The following SLC4A1AP variants were observed in gnomAD, a reference collection of about 807,000 sequenced individuals.
The protein encoded by SLC4A1AP is kanadaptin.
In SLC4A1AP, 64 loss-of-function variants were observed where a neutral mutation model predicts 89.7. The ratio of observed to expected loss-of-function variants is 0.71; its 90% confidence interval spans 0.58 to 0.88. The LOEUF (loss-of-function observed/expected upper bound fraction) is 0.88, where lower values mean the gene tolerates loss of function less well. Ranked by LOEUF, SLC4A1AP falls within the 40% of genes least tolerant of loss-of-function variation. The pLI, the probability that SLC4A1AP is intolerant of heterozygous loss-of-function variation, is 0.00. For synonymous variants in SLC4A1AP, 366 were observed against 353.3 expected (o/e 1.04, Z -0.40); for missense variants, 931 against 965.0 (o/e 0.96, Z 0.47).
rs978175795 is a variant in SLC4A1AP at position 27,688,031 on chromosome 2, C to T, written c.2203+11C>T. ...GCGCAGGACCCTCAGGCAAGTAGTA[C>T]GGCAGCCTTCATTGCTGCTCTGCAC... is the stretch of plus-strand genomic sequence containing the variant. On this transcript the variant is annotated intron_variant, in intron 11 of 13. Coordinates refer to ENST00000613058, the Ensembl canonical transcript of SLC4A1AP. The T allele has an allele frequency of 1.2e-5, 19 of 1,609,976 alleles. No homozygotes were observed. In the East Asian group the frequency reaches 2.7e-4, roughly 23 times the overall value.
chr2:27,665,335 G>T (rs758262161), intron 2 of SLC4A1AP, 40 bp downstream of exon 2: 6 of 1,525,608 alleles, frequency 3.9e-6, no homozygotes, highest in Non-Finnish European at 5.3e-6. Flanking sequence ...AATATTTTAA[G>T]TTCATTACAA....
At chr2:27,686,684 G>A (rs1037897644) in intron 10 of SLC4A1AP, among the ~76,000 whole-genome samples, 1 of 152,164 alleles carries the variant, frequency 6.6e-6, no homozygotes, top group Non-Finnish European at 1.5e-5. Flanking sequence ...GCAGGCAGGA[G>A]AATTGCTTGA....
rs1394852567 is a variant in SLC4A1AP at position 27,667,285 on chromosome 2, G to A, written c.1039G>A (p.Asp347Asn). The A allele has an allele frequency of 5.0e-6, 8 of 1,612,580 alleles. No homozygotes were observed. The African/African-American group carries it at 6.7e-5, about 13-fold the overall frequency. ...TCCTGTAGGAGAAGATGCAGTAGAG[G>A]ATGATGCTGAAGAGAACCCTATTGT... The change falls in exon 3 of 14, where the codon GAT (aspartate) becomes AAT (asparagine). Residue 347 changes from aspartate to asparagine, a missense_variant. By Grantham distance (23) the Asp-to-Asn change is conservative (BLOSUM62 1). Coordinates refer to ENST00000613058, the Ensembl canonical transcript of SLC4A1AP.
chr2:27,681,917 A>G (rs1675625608), intron 8 of SLC4A1AP, among the ~76,000 whole-genome samples: 1 of 152,172 alleles, frequency 6.6e-6, no homozygotes, highest in South Asian at 2.1e-4. Context: ...GCTTTACACC[A>G]TGGATCAATC....
chr2:27,682,124 C>A, intron 8 of SLC4A1AP, 124 bp from the exon 9 acceptor site: 1 of 625,434 alleles, frequency 1.6e-6, no homozygotes, highest in Non-Finnish European at 2.8e-6. Flanking sequence ...TTGTTATATG[C>A]TTAGATATTC....
At chr2:27,669,688 G>A (rs750102760) in intron 5 of SLC4A1AP, among the ~76,000 whole-genome samples, 18 of 151,986 alleles carry the variant, frequency 1.2e-4, no homozygotes, top group Non-Finnish European at 1.8e-4. Flanking sequence ...TATCATGGAT[G>A]TTGTTATTAT....
Position 27,677,599 on chromosome 2 carries a change from A to G in SLC4A1AP, c.1577-139A>G, listed in dbSNP as rs1337464096. ...AATGACTTCCCAAGGTCTCATGGCT[A>G]TAACCTGTTCCTTATTCCTATTACT... On this transcript the variant is annotated intron_variant, in intron 7 of 13. Coordinates refer to ENST00000613058, the Ensembl canonical transcript of SLC4A1AP. 1.5e-5 allele frequency: 11 copies of G among 727,970 alleles called. 1 individual carries two copies. The South Asian group carries it at 1.6e-4, about 11-fold the overall frequency. 45.1% of individuals were successfully genotyped at this position (727,970 alleles called of 1,614,324 possible). A position where few individuals can be genotyped will look rare whatever the true frequency, so the allele number is the denominator to read the frequency against.
In SLC4A1AP at chr2:27,688,687, T is replaced by G; in HGVS notation, c.2204-13T>G. ...TGAAAATAGCTATTGCCAGTTTTTT[T>G]TTCTTAAATTAGCATCAAAGAATGA... is the stretch of plus-strand genomic sequence containing the variant. On this transcript the variant is annotated splice_polypyrimidine_tract_variant and intron_variant, in intron 11 of 13. Coordinates refer to ENST00000613058, the Ensembl canonical transcript of SLC4A1AP. 1 of 1,580,440 alleles carries G rather than the reference T, an allele frequency of 6.3e-7. No homozygotes were observed. The highest frequency in any genetic ancestry group is 8.6e-7 in the Non-Finnish European group (1 of 1,165,910).
rs1407501016 is a variant in SLC4A1AP, at chr2:27,693,689, C to T, written c.2276C>T (p.Pro759Leu). 2.5e-6 allele frequency: 4 copies of T among 1,603,008 alleles called. No individual in the cohort carries two copies. The African/African-American group carries it at 5.4e-5, about 21-fold the overall frequency. Residue 759 changes from proline to leucine, a missense_variant, in exon 13 of 14, where the codon CCA becomes CTA. Physicochemically the swap from Pro to Leu is moderately conservative, Grantham distance 98 (BLOSUM62 -3). Transcript: ENST00000613058. Reference sequence around the variant, plus strand: ...CAATCCATCTTTTCTTTTTAGCTTCCACCAACACTTTCTTCCAAATATCCT... The same window carrying T: ...CAATCCATCTTTTCTTTTTAGCTTCTACCAACACTTTCTTCCAAATATCCT...
exon 1 of SLC4A1AP, chr2:27,664,396 A>G (rs770652633): frequency 1.2e-6 from 2 of 1,614,098 alleles, no homozygotes; most frequent in Admixed American, 1.7e-5. Context: ...GTGCTGCAGC[A>G]CAGGGCGTCC....
At chr2:27,679,025 C>T (rs775373084) in intron 8 of SLC4A1AP, among the ~76,000 whole-genome samples, 1 of 151,938 alleles carries the variant, frequency 6.6e-6, no homozygotes, top group African/African-American at 2.4e-5. Flanking sequence ...GTCTTAATAG[C>T]ATTTTTATAT....
intron 13 of SLC4A1AP, among the ~76,000 whole-genome samples, chr2:27,694,118 G>A (rs1376639916): frequency 6.6e-6 from 1 of 152,090 alleles, no homozygotes; most frequent in Non-Finnish European, 1.5e-5. Flanking sequence ...AAACAATTCT[G>A]GCTGTGCCTC....
At chr2:27,664,058 G>A (rs1675252563) in exon 1 of SLC4A1AP, 2 of 1,614,110 alleles carry the variant, frequency 1.2e-6, no homozygotes, top group Admixed American at 1.7e-5. Flanking sequence ...AGGTACAGAA[G>A]GAAGGGCCCA....
intron 9 of SLC4A1AP, 84 bp downstream of exon 9, chr2:27,682,443 A>G: frequency 2.6e-6 from 2 of 766,338 alleles, no homozygotes; most frequent in Non-Finnish European, 4.4e-6. Flanking sequence ...TGAAACTACA[A>G]ATGACTCATT....
chr2:27,682,530 T>TC (rs1041800870), intron 9 of SLC4A1AP, among the ~76,000 whole-genome samples, 171 bp downstream of exon 9: 25 of 151,136 alleles, frequency 1.7e-4, no homozygotes, highest in African/African-American at 5.8e-4. Flanking sequence ...GATTCTTTTT[T>TC]TTTTTTTTTT....
At chr2:27,679,879 A>T (rs956717286) in intron 8 of SLC4A1AP, among the ~76,000 whole-genome samples, 1 of 152,170 alleles carries the variant, frequency 6.6e-6, no homozygotes, top group Non-Finnish European at 1.5e-5. Flanking sequence ...TTATTAAGAG[A>T]GTGCTCTCAG....
chr2:27,688,973 C>T (rs1675748998), intron 12 of SLC4A1AP, among the ~76,000 whole-genome samples: 1 of 151,942 alleles, frequency 6.6e-6, no homozygotes, highest in Non-Finnish European at 1.5e-5. Flanking sequence ...TACAAGCTAT[C>T]TCTTTTATTA....
In SLC4A1AP at chr2:27,667,403, A is replaced by G; in HGVS notation, c.1144+13A>G. ...TTTGACCGAGAAGGTATGTAAACAG[A>G]TTCTGACCCTACCACTAAAACATAT... On this transcript the variant is annotated intron_variant, in intron 3 of 13. Transcript: ENST00000613058. The G allele has an allele frequency of 6.2e-7, 1 of 1,607,088 alleles. No individual in the cohort carries two copies. The highest frequency in any genetic ancestry group is 8.5e-7 in the Non-Finnish European group (1 of 1,177,406).
chr2:27,693,364 T>C (rs1489182336), intron 12 of SLC4A1AP: 1 of 261,476 alleles, frequency 3.8e-6, no homozygotes, highest in East Asian at 7.4e-5. Flanking sequence ...ATTACATTAT[T>C]GTTTTATAGG....
Sources: gnomAD v4.1 joint callset for allele counts (sites outside exome capture counted in the v4.1 genomes callset) on GRCh38, gnomAD v4.1.1 for gene constraint, MANE v1.5 for transcripts, NCBI Gene and HGNC (gene_info 2026-07-23, HGNC 2026-07-21) for gene names.